Variants in ADD3 observed in about 807,000 individuals in gnomAD.
ADD3 encodes adducin 3, also known as gamma-adducin.
In ADD3, 25 loss-of-function variants were observed where a neutral mutation model predicts 80.2. That is an observed-to-expected ratio of 0.31 (90% CI 0.23 to 0.44). ADD3 has a LOEUF of 0.44. Ranked by LOEUF, ADD3 falls within the 20% of genes least tolerant of loss-of-function variation. The probability of loss-of-function intolerance (pLI) is 1.00; values close to 1 mark genes in which losing one functional copy is unlikely to be tolerated. For missense variants in ADD3, 829 were observed against 847.5 expected, an observed-to-expected ratio of 0.98 and a Z score of 0.27; for synonymous variants, 284 against 289.6, an observed-to-expected ratio of 0.98 and a Z score of 0.20.
chr10:110,099,129 A>G (rs1848514232), intron 1 of ADD3, among the ~76,000 whole-genome samples: 1 of 143,682 alleles, frequency 7.0e-6, no homozygotes, highest in Non-Finnish European at 1.5e-5. Context: ...GGGTTTCACT[A>G]TGTTGCCCAG....
chr10:110,090,946 G>A (rs889808624), intron 1 of ADD3, among the ~76,000 whole-genome samples: 3 of 152,072 alleles, frequency 2.0e-5, no homozygotes, highest in Non-Finnish European at 4.4e-5. Context: ...TTTATATTGA[G>A]GTTTAGAATT....
At chr10:110,088,352 A>G (rs553524862) in intron 1 of ADD3, among the ~76,000 whole-genome samples, 83 of 152,350 alleles carry the variant, frequency 5.4e-4, no homozygotes, top group Non-Finnish European at 1.1e-3. Flanking sequence ...TCTGAAATTG[A>G]TAAAAATCTC....
chr10:110,126,196 A>C (rs1047001125), intron 11 of ADD3, among the ~76,000 whole-genome samples: 1 of 152,242 alleles, frequency 6.6e-6, no homozygotes, highest in African/African-American at 2.4e-5. Flanking sequence ...GGGAAAATGC[A>C]GTTCTCTAAC....
chr10:109,997,768 A>C (rs1851409237), intron 1 of ADD3, among the ~76,000 whole-genome samples: 2 of 152,358 alleles, frequency 1.3e-5, no homozygotes, highest in African/African-American at 4.8e-5. Context: ...GAACACTGAT[A>C]CATCTAAACT....
chr10:110,129,967 C>G (rs11194996), intron 12 of ADD3, among the ~76,000 whole-genome samples: 20,074 of 152,076 alleles, frequency 0.13, 4,269 homozygotes, highest in African/African-American at 0.45. Context: ...ATTTTCGTAA[C>G]AGATTTAAAG....
At chr10:110,065,262 A>G (rs79931080) in intron 1 of ADD3, among the ~76,000 whole-genome samples, 4,885 of 152,178 alleles carry the variant, frequency 0.032, 104 homozygotes, top group Non-Finnish European at 0.045. Context: ...ATCTTGTCAC[A>G]GCAATTTGAA....
At chr10:110,023,853 G>A (rs1038080425) in intron 1 of ADD3, among the ~76,000 whole-genome samples, 1 of 152,178 alleles carries the variant, frequency 6.6e-6, no homozygotes, top group Non-Finnish European at 1.5e-5. Context: ...CCCCTATGCT[G>A]TGTTTTTGCA....
intron 12 of ADD3, among the ~76,000 whole-genome samples, chr10:110,128,038 C>G (rs1204157431): frequency 6.8e-6 from 1 of 146,258 alleles, no homozygotes; most frequent in Non-Finnish European, 1.5e-5. Context: ...ATTCCTGAAC[C>G]TTTGTTTAGG....
At chr10:110,072,531 G>A (rs1844862167) in intron 1 of ADD3, among the ~76,000 whole-genome samples, 1 of 152,182 alleles carries the variant, frequency 6.6e-6, no homozygotes, top group African/African-American at 2.4e-5. Context: ...GGGACTTGAG[G>A]CTTTACCGGG....
intron 1 of ADD3, among the ~76,000 whole-genome samples, chr10:110,055,060 A>G (rs1858008762): frequency 6.6e-6 from 1 of 152,210 alleles, no homozygotes; most frequent in Non-Finnish European, 1.5e-5. Flanking sequence ...CGCACCCAGC[A>G]GTTTTCTCAT....
At chr10:110,085,686 C>T (rs765513626) in intron 1 of ADD3, among the ~76,000 whole-genome samples, 2 of 152,176 alleles carry the variant, frequency 1.3e-5, no homozygotes, top group South Asian at 2.1e-4. Context: ...AAGACTGAGA[C>T]GTGGGCCCTA....
At chr10:110,089,406 G>C (rs1384304641) in intron 1 of ADD3, among the ~76,000 whole-genome samples, 1 of 152,064 alleles carries the variant, frequency 6.6e-6, no homozygotes, top group Non-Finnish European at 1.5e-5. Context: ...AAATGTCTGA[G>C]ACGCACATCT....
rs577829279 is a variant in ADD3 at position 110,056,842 on chromosome 10, A to G, written c.-29-43783A>G. Among the ~76,000 whole-genome samples, 11 of 152,246 alleles carry G rather than the reference A, an allele frequency of 7.2e-5. No homozygotes were observed. In the East Asian group the frequency reaches 1.7e-3, roughly 24 times the overall value. ...TCCTCAAAAGTACCCTTAACCATGCACCTGGAGCAAAGGAAAAACCCTTTC... is the reference window on the plus strand; with the variant it reads ...TCCTCAAAAGTACCCTTAACCATGCGCCTGGAGCAAAGGAAAAACCCTTTC... On this transcript the variant is annotated intron_variant, in intron 1 of 14. Coordinates refer to ENST00000356080, the MANE Select transcript of ADD3 (RefSeq NM_016824.5).
intron 1 of ADD3, among the ~76,000 whole-genome samples, chr10:110,067,895 C>T (rs183471839): frequency 9.2e-5 from 14 of 151,944 alleles, no homozygotes; most frequent in Admixed American, 2.6e-4. Flanking sequence ...TTTTCATATT[C>T]CTTTGAATGA....
At chr10:110,120,375 T>TGTAGG in intron 8 of ADD3, among the ~76,000 whole-genome samples, 1 of 151,342 alleles carries the variant, frequency 6.6e-6, no homozygotes, top group African/African-American at 2.4e-5. Context: ...ATTTCCAATT[T>TGTAGG]CATCCATGTC....
intron 1 of ADD3, among the ~76,000 whole-genome samples, chr10:110,099,146 C>G (rs1848516072): frequency 6.9e-6 from 1 of 144,322 alleles, no homozygotes; most frequent in Admixed American, 7.0e-5. Flanking sequence ...CCAGGTTGAT[C>G]TGGAACTCCT....
intron 1 of ADD3, among the ~76,000 whole-genome samples, chr10:110,085,626 G>A (rs1196868151): frequency 6.6e-6 from 1 of 152,260 alleles, no homozygotes; most frequent in Non-Finnish European, 1.5e-5. Flanking sequence ...ATGCAAAGAT[G>A]TGAGCTATCA....
At chr10:110,131,325 C>G (rs989765491) in intron 13 of ADD3, among the ~76,000 whole-genome samples, 4 of 152,188 alleles carry the variant, frequency 2.6e-5, no homozygotes, top group South Asian at 2.1e-4. Flanking sequence ...CAGGAGTTCT[C>G]TATCTTGAGT....
chr10:110,029,106 C>G (rs991254582), intron 1 of ADD3, among the ~76,000 whole-genome samples: 2 of 152,144 alleles, frequency 1.3e-5, no homozygotes, highest in African/African-American at 2.4e-5. Context: ...CTCGAACTCC[C>G]CACCTCAGGT....
Sources: allele counts gnomAD v4.1 joint callset (sites outside exome capture counted in the v4.1 genomes callset), GRCh38; gene constraint gnomAD v4.1.1; transcripts MANE v1.5; gene names NCBI Gene and HGNC (gene_info 2026-07-23, HGNC 2026-07-21).